The following TNFRSF11A variants were observed in gnomAD, a reference collection of about 807,000 sequenced individuals.
The protein encoded by TNFRSF11A is TNF receptor superfamily member 11a, also known as tumor necrosis factor receptor superfamily member 11A.
TNFRSF11A carries 32 observed loss-of-function variants against 55.7 expected under a neutral mutation model. The ratio of observed to expected loss-of-function variants is 0.57; its 90% CI spans 0.43 to 0.77. The LOEUF (loss-of-function observed/expected upper bound fraction) is 0.77, where lower values mean the gene tolerates loss of function less well. TNFRSF11A is among the 30% of genes least tolerant of loss of function. The probability of loss-of-function intolerance (pLI) is 0.00; values close to 1 mark genes in which losing one functional copy is unlikely to be tolerated. For synonymous variants in TNFRSF11A, 311 were observed against 331.0 expected, an observed-to-expected ratio of 0.94 and a Z score of 0.65; for missense variants, 753 against 809.8, an observed-to-expected ratio of 0.93 and a Z score of 0.85.
chr18:62,348,252 A>G lies in TNFRSF11A; in HGVS notation c.157+3A>G. ...GTGCTGTAACAAATGTGAACCAGGT[A>G]CACCTGCTTCTGAGCCACCTTGCAT... On this transcript the variant is annotated splice_donor_region_variant and intron_variant, in intron 2 of 9. Transcript: ENST00000586569. The G allele has an allele frequency of 6.2e-7, 1 of 1,613,472 alleles. No individual in the cohort carries two copies. The highest frequency in any genetic ancestry group is 8.5e-7 in the Non-Finnish European group (1 of 1,179,448).
At position 62,389,787 on chromosome 18, in the gene TNFRSF11A, T is replaced by C. The variant is rs12966140; in HGVS notation, c.*4753T>C. The C allele has an allele frequency of 0.24, 36,697 of 152,158 alleles. 4,863 individuals carry two copies. Among genetic ancestry groups the C allele is most frequent in the Non-Finnish European group, 0.3 (20,446 of 68,006 alleles). The allele number at this position is 152,158 out of a possible 1,614,324, so 9.4% of individuals were successfully genotyped here. On this transcript the variant is annotated 3_prime_UTR_variant, in exon 10 of 10. Coordinates refer to ENST00000586569, the MANE Select transcript of TNFRSF11A (RefSeq NM_003839.4). The stretch of plus-strand genomic sequence containing the variant: ...AGTTAAAATGACAAAATTACAGGCC[T>C]GTTACCAGATCTTCGTACTAACCAA...
At position 62,384,936 on chromosome 18, in the gene TNFRSF11A, G is replaced by A. The variant is rs781141387; in HGVS notation, c.1753G>A (p.Gly585Ser). 6 of 1,543,334 alleles carry A rather than the reference G, an allele frequency of 3.9e-6. No individual in the cohort carries two copies. Among genetic ancestry groups the A allele is most frequent in the Middle Eastern group, 1.7e-4 (1 of 5,846 alleles). ...LARRDSFAGNGPRFPDPCGGP... is the reference protein window; with the variant it reads ...LARRDSFAGNSPRFPDPCGGP... ...GCGCCGAGACTCCTTCGCGGGGAAC[G>A]GCCCGCGCTTCCCGGACCCGTGCGG... Residue 585 changes from glycine (G) to serine (S), a missense_variant, in exon 10 of 10, where the codon GGC becomes AGC. This residue lies in a region of TNFRSF11A where 567 missense variants were observed against 596.7 expected (regional missense o/e 0.95). Transcript: ENST00000586569.
Position 62,384,860 on chromosome 18 carries a change from G to T in TNFRSF11A, c.1677G>T (p.Ala559=). 1 of 1,603,210 alleles carries T rather than the reference G, an allele frequency of 6.2e-7. No individual in the cohort carries two copies. Among genetic ancestry groups the T allele is most frequent in the Admixed American group, 1.7e-5 (1 of 58,570 alleles). Residue 559 remains alanine, a synonymous_variant, in exon 10 of 10, where the codon GCG becomes GCT. Transcript: ENST00000586569. ...TCAGCCAGACCTCGCAGGAGGGCGC[G>T]GCGGCGGCTGCGGAGCCCATGGGCC... is the stretch of plus-strand genomic sequence containing the variant. ...VYVSQTSQEG[A]AAAAEPMGRP...
intron 2 of TNFRSF11A, 45 bp from the exon 3 acceptor site, chr18:62,349,767 G>T: frequency 1.9e-6 from 3 of 1,611,420 alleles, no homozygotes; most frequent in African/African-American, 1.3e-5. Context: ...TGCTGTTTTT[G>T]TTTGGTTTTT....
intron 9 of TNFRSF11A, among the ~76,000 whole-genome samples, chr18:62,382,484 T>C (rs1035599997): frequency 1.3e-5 from 2 of 152,216 alleles, no homozygotes; most frequent in Admixed American, 6.5e-5. Flanking sequence ...AATGAGAAAT[T>C]ACAGATATTT....
chr18:62,331,663 G>A (rs2046156282), intron 1 of TNFRSF11A, among the ~76,000 whole-genome samples: 1 of 152,220 alleles, frequency 6.6e-6, no homozygotes, highest in Admixed American at 6.5e-5. Flanking sequence ...TCAGAGCAGA[G>A]GCAGGTGTGA....
At chr18:62,351,381 GC>G (rs1240248815) in intron 3 of TNFRSF11A, among the ~76,000 whole-genome samples, 1 of 152,162 alleles carries the variant, frequency 6.6e-6, no homozygotes, top group Admixed American at 6.5e-5. Context: ...ATCAGATTCT[GC>G]TTTGTTTTTT....
At chr18:62,361,956 A>T (rs977775940) in intron 7 of TNFRSF11A, among the ~76,000 whole-genome samples, 163 bp downstream of exon 7, 1 of 152,212 alleles carries the variant, frequency 6.6e-6, no homozygotes, top group African/African-American at 2.4e-5. Context: ...ACAAAACTCC[A>T]AAAACTTGAA....
At chr18:62,339,429 C>A (rs1456143594) in intron 1 of TNFRSF11A, among the ~76,000 whole-genome samples, 1 of 152,234 alleles carries the variant, frequency 6.6e-6, no homozygotes, top group Non-Finnish European at 1.5e-5. Flanking sequence ...GACGTGGACA[C>A]CAGTCTGAGG....
rs1307655966 is a variant in TNFRSF11A, at chr18:62,388,492, G to C, written c.*3458G>C. On this transcript the variant is annotated 3_prime_UTR_variant, in exon 10 of 10. Coordinates refer to ENST00000586569, the MANE Select transcript of TNFRSF11A (RefSeq NM_003839.4). ...GGGTAGGGGGTGGACACACAGAGGGGAAGATGGCCCCCTTGCCATCTGTCC... is the reference window on the plus strand; with the variant it reads ...GGGTAGGGGGTGGACACACAGAGGGCAAGATGGCCCCCTTGCCATCTGTCC... The C allele has an allele frequency of 6.6e-6, 1 of 152,316 alleles. No individual in the cohort carries two copies. The highest frequency in any genetic ancestry group is 2.4e-5 in the African/African-American group (1 of 41,470). The allele number at this position is 152,316 out of a possible 1,614,324, so 9.4% of individuals were successfully genotyped here.
chr18:62,351,096 G>A (rs113339733), intron 3 of TNFRSF11A, among the ~76,000 whole-genome samples: 18,229 of 147,434 alleles, frequency 0.12, 1,578 homozygotes, highest in Non-Finnish European at 0.19. Context: ...ACTCCCTCCC[G>A]GGTTTAAGCT....
chr18:62,380,705 G>A (rs1911218617), intron 9 of TNFRSF11A, among the ~76,000 whole-genome samples: 1 of 151,972 alleles, frequency 6.6e-6, no homozygotes, highest in South Asian at 2.1e-4. Flanking sequence ...CAAAGTACTG[G>A]GATTACAGGC....
At chr18:62,331,356 T>C (rs1426309337) in intron 1 of TNFRSF11A, among the ~76,000 whole-genome samples, 1 of 152,210 alleles carries the variant, frequency 6.6e-6, no homozygotes, top group Non-Finnish European at 1.5e-5. Flanking sequence ...CTGGTTCAAG[T>C]GAAGAAGTGT....
intron 3 of TNFRSF11A, among the ~76,000 whole-genome samples, chr18:62,352,945 T>C (rs969514570): frequency 6.6e-6 from 1 of 152,206 alleles, no homozygotes; most frequent in East Asian, 1.9e-4. Flanking sequence ...TTCAGGAATA[T>C]AAGGTGCAGG....
intron 3 of TNFRSF11A, among the ~76,000 whole-genome samples, chr18:62,353,337 C>T (rs2145305412): frequency 6.6e-6 from 1 of 152,330 alleles, no homozygotes; most frequent in South Asian, 2.1e-4. Context: ...TTCTCTAACA[C>T]ACTTATTTTC....
At chr18:62,357,088 G>C (rs76109907) in intron 4 of TNFRSF11A, among the ~76,000 whole-genome samples, 9 of 152,200 alleles carry the variant, frequency 5.9e-5, no homozygotes, top group Admixed American at 1.3e-4. Flanking sequence ...AAATTGCTAG[G>C]TGAAGGAGCG....
chr18:62,355,009 A>G (rs1042074682), intron 4 of TNFRSF11A, among the ~76,000 whole-genome samples: 3 of 152,260 alleles, frequency 2.0e-5, no homozygotes, highest in Non-Finnish European at 4.4e-5. Flanking sequence ...TATAACTGCG[A>G]TAACACTGAA....
At chr18:62,378,444 T>C (rs773929632) in intron 9 of TNFRSF11A, among the ~76,000 whole-genome samples, 4 of 152,212 alleles carry the variant, frequency 2.6e-5, no homozygotes, top group Non-Finnish European at 5.9e-5. Flanking sequence ...AAGTGCCCTT[T>C]CAGTCTTTAA....
chr18:62,377,162 G>A (rs1217324750), intron 9 of TNFRSF11A, among the ~76,000 whole-genome samples: 4 of 152,116 alleles, frequency 2.6e-5, no homozygotes, highest in East Asian at 3.9e-4. Flanking sequence ...AGAGTCGCCC[G>A]CCTCGGCCTC....
Sources: allele counts gnomAD v4.1 joint callset (sites outside exome capture counted in the v4.1 genomes callset), GRCh38; gene constraint gnomAD v4.1.1; regional missense constraint gnomAD v4.1.1; transcripts MANE v1.5; gene names NCBI Gene and HGNC (gene_info 2026-07-23, HGNC 2026-07-21).